Variants in KIAA0319 observed in about 807,000 individuals in gnomAD.
KIAA0319 encodes the protein KIAA0319.
Under a neutral mutation model 108.4 loss-of-function variants are expected in KIAA0319, and 83 were observed. The ratio of observed to expected loss-of-function variants is 0.77; its 90% CI spans 0.64 to 0.92. KIAA0319 has a LOEUF of 0.92. Ranked by LOEUF, KIAA0319 falls within the 40% of genes least tolerant of loss-of-function variation. KIAA0319 has a pLI of 0.00. For missense variants in KIAA0319, 1,195 were observed against 1,322.4 expected (o/e 0.90, Z 1.49); for synonymous variants, 484 against 510.4 (o/e 0.95, Z 0.70).
In KIAA0319 at chr6:24,562,325, A is replaced by G. The variant is rs73727982; in HGVS notation, c.2591+1034T>C. ...TTGATTCAGTATTTTATATTTTACGAGGGAAATATATGATCCATTTTAGAA... is the reference window on the plus strand; with the variant it reads ...TTGATTCAGTATTTTATATTTTACGGGGGAAATATATGATCCATTTTAGAA... On this transcript the variant is annotated intron_variant, in intron 16 of 20. Transcript: ENST00000378214. Among the ~76,000 whole-genome samples, 169 of 152,284 alleles carry G rather than the reference A, an allele frequency of 1.1e-3. 1 individual carries two copies. Among genetic ancestry groups the G allele is most frequent in the African/African-American group, 3.8e-3 (159 of 41,570 alleles).
At chr6:24,542,550 G>A (rs947171160), downstream of KIAA0319, among the ~76,000 whole-genome samples, 3 of 152,116 alleles carry the variant, frequency 2.0e-5, no homozygotes, top group South Asian at 6.2e-4. Flanking sequence ...GGAGAGCATA[G>A]TGAGACTCCC....
At chr6:24,540,960 C>A (rs1561884978), downstream of KIAA0319, among the ~76,000 whole-genome samples, 1 of 152,084 alleles carries the variant, frequency 6.6e-6, no homozygotes, top group Admixed American at 6.6e-5. Context: ...AGTGTTTGTA[C>A]ACCTCTACCT....
chr6:24,567,551 A>C (rs1764075329), intron 13 of KIAA0319, among the ~76,000 whole-genome samples: 1 of 152,074 alleles, frequency 6.6e-6, no homozygotes, highest in Admixed American at 6.5e-5. Flanking sequence ...AAAATTAAAA[A>C]TCAGCTGGGC....
chr6:24,600,264 A>AT (rs988328771), intron 2 of KIAA0319, among the ~76,000 whole-genome samples: 1 of 152,156 alleles, frequency 6.6e-6, no homozygotes, highest in Non-Finnish European at 1.5e-5. Context: ...ATAAGGGGAC[A>AT]TTTTTTCTTA....
chr6:24,596,257 C>A lies in KIAA0319; in HGVS notation c.417G>T (p.Lys139Asn), dbSNP rs779052215. 6.2e-7 allele frequency: 1 copy of A among 1,614,208 alleles called. No individual in the cohort carries two copies. The highest frequency in any genetic ancestry group is 2.2e-5 in the East Asian group (1 of 44,876). Residue 139 changes from lysine to asparagine, a missense_variant, in exon 3 of 21, where the codon AAG becomes AAT. Physicochemically the swap from Lys to Asn is moderately conservative, Grantham distance 94. Transcript: ENST00000378214. The stretch of plus-strand genomic sequence containing the variant: ...AATCTTTGCCTAGAAAGGTCAAGTC[C>A]TTTCTGATATCCTCAGGTGAGTCCC... ...IWGDSPEDIR[K>N]DLTFLGKDWG...
rs142392648 is a variant in KIAA0319, at chr6:24,601,010, A to G, written c.55+39T>C. 7.0e-3 allele frequency: 11,258 copies of G among 1,613,588 alleles called. 68 individuals are homozygous for G. Among genetic ancestry groups the G allele is most frequent in the Non-Finnish European group, 8.7e-3 (10,232 of 1,179,628 alleles). On this transcript the variant is annotated intron_variant, in intron 2 of 20. Coordinates refer to ENST00000378214, the MANE Select transcript of KIAA0319 (RefSeq NM_014809.4). Reference sequence around the variant, plus strand: ...GTTGCTTACACTAGTCAAGAAACTCAAGTCCAACACGGGTATCTCCAGGGT... The same window carrying G: ...GTTGCTTACACTAGTCAAGAAACTCGAGTCCAACACGGGTATCTCCAGGGT...
chr6:24,547,784 T>C (rs565020369), intron 20 of KIAA0319, among the ~76,000 whole-genome samples: 2 of 152,360 alleles, frequency 1.3e-5, no homozygotes, highest in South Asian at 4.1e-4. Context: ...GGTAGAATAT[T>C]TGATTTCAGG....
intron 1 of KIAA0319, among the ~76,000 whole-genome samples, chr6:24,622,669 C>T (rs976503462): frequency 2.0e-5 from 3 of 152,146 alleles, no homozygotes; most frequent in Non-Finnish European, 2.9e-5. Flanking sequence ...TTTTAAACAT[C>T]CTAACATACC....
chr6:24,540,653 T>C (rs12208553), downstream of KIAA0319, among the ~76,000 whole-genome samples: 7 of 57,070 alleles, frequency 1.2e-4, no homozygotes, highest in African/African-American at 2.0e-4. Context: ...TTTGTTTCTT[T>C]TTTTTTTTTT....
chr6:24,578,278 C>T, intron 8 of KIAA0319, 36 bp from the exon 9 acceptor site: 1 of 1,482,774 alleles, frequency 6.7e-7, no homozygotes, highest in Non-Finnish European at 9.3e-7. Flanking sequence ...GAATGAAATA[C>T]AAGAAGAGGA....
intron 2 of KIAA0319, chr6:24,600,690 G>C (rs1770493166): frequency 6.5e-7 from 1 of 1,531,090 alleles, no homozygotes; most frequent in Non-Finnish European, 8.8e-7. Flanking sequence ...TTTGCCATGA[G>C]TGCATCCACC....
In KIAA0319 at chr6:24,599,668, G is replaced by C. The variant is rs918034083; in HGVS notation, c.55+1381C>G. On this transcript the variant is annotated intron_variant, in intron 2 of 20. Coordinates refer to ENST00000378214, the MANE Select transcript of KIAA0319 (RefSeq NM_014809.4). The surrounding 1 kb of genome is among the most constrained non-coding windows in gnomAD (Gnocchi z 4.1). Reference sequence around the variant, plus strand: ...AGCTACAGCCTGGGCTCCAGCTTTGGCTCTGGCGGGTGCTCCAGCTCCTTC... The same window carrying C: ...AGCTACAGCCTGGGCTCCAGCTTTGCCTCTGGCGGGTGCTCCAGCTCCTTC... 1.1e-5 allele frequency: 7 copies of C among 613,596 alleles called. No individual in the cohort carries two copies. The highest frequency in any genetic ancestry group is 4.7e-4 in the Middle Eastern group (1 of 2,144). The allele number at this position is 613,596 out of a possible 1,614,324, so 38.0% of individuals were successfully genotyped here. A position where few individuals can be genotyped will look rare whatever the true frequency, so the allele number is the denominator to read the frequency against.
intron 4 of KIAA0319, among the ~76,000 whole-genome samples, chr6:24,584,126 C>T (rs1360855639): frequency 6.6e-6 from 1 of 152,106 alleles, no homozygotes; most frequent in Non-Finnish European, 1.5e-5. Flanking sequence ...TCACACTCCA[C>T]TCAGTTCTGA....
chr6:24,598,263 G>A, intron 2 of KIAA0319: 1 of 622,728 alleles, frequency 1.6e-6, no homozygotes. Context: ...GCCCCCTTAA[G>A]CTGGAGGTGG....
chr6:24,599,045 G>C lies in KIAA0319; in HGVS notation c.55+2004C>G. ...TCCTCAGGCAGCTGTATGAAGAGGA[G>C]ATCCAGGAGCTGCAGTCCCAGATCT... On this transcript the variant is annotated intron_variant, in intron 2 of 20. Transcript: ENST00000378214. This position sits in a 1 kb window ranked among gnomAD's most constrained non-coding sequence, Gnocchi z 4.1. The C allele has an allele frequency of 1.3e-6, 1 of 743,042 alleles. No individual in the cohort carries two copies. Among genetic ancestry groups the C allele is most frequent in the Non-Finnish European group, 2.4e-6 (1 of 417,936 alleles). The allele number at this position is 743,042 out of a possible 1,614,324, so 46.0% of individuals were successfully genotyped here. A position where few individuals can be genotyped will look rare whatever the true frequency, so the allele number is the denominator to read the frequency against.
At chr6:24,628,317 T>C (rs1775006331) in intron 1 of KIAA0319, among the ~76,000 whole-genome samples, 1 of 136,368 alleles carries the variant, frequency 7.3e-6, no homozygotes, top group South Asian at 2.2e-4. Context: ...TAAGGAACCT[T>C]ATGTTTTTCT....
chr6:24,555,811 C>A (rs1762211265), intron 18 of KIAA0319, among the ~76,000 whole-genome samples: 1 of 152,156 alleles, frequency 6.6e-6, no homozygotes, highest in South Asian at 2.1e-4. Context: ...CTCTTCTTTA[C>A]CTGATTCTAG....
At chr6:24,570,659 G>A (rs556502080) in intron 11 of KIAA0319, among the ~76,000 whole-genome samples, 1 of 150,022 alleles carries the variant, frequency 6.7e-6, no homozygotes, top group Admixed American at 6.6e-5. Flanking sequence ...AAGAAGGGTT[G>A]GGGGAGGAAG....
rs34139616 is a variant in KIAA0319, at chr6:24,642,722, A to AT, written c.-106+3013dup. ...GATGCTTACTATAATCCTTTGCTGC[A>AT]TTTTTTTTTTTTTTGAATTAGAGTC... On this transcript the variant is annotated intron_variant, in intron 1 of 20. Coordinates refer to ENST00000378214, the MANE Select transcript of KIAA0319 (RefSeq NM_014809.4). 8.4e-3 allele frequency among the ~76,000 whole-genome samples: 1,257 copies of AT among 148,910 alleles called. 6 individuals carry two copies. The highest frequency in any genetic ancestry group is 0.011 in the Admixed American group (160 of 14,994).
Sources: allele counts gnomAD v4.1 joint callset (sites outside exome capture counted in the v4.1 genomes callset), GRCh38; gene constraint gnomAD v4.1.1; non-coding constraint Gnocchi (gnomAD v3.1); transcripts MANE v1.5; gene names NCBI Gene and HGNC (gene_info 2026-07-23, HGNC 2026-07-21).